Variants in SNX5 observed in about 807,000 individuals in gnomAD.
The protein encoded by SNX5 is sorting nexin-5.
Under a neutral mutation model 53.9 loss-of-function variants are expected in SNX5, and 31 were observed. The ratio of observed to expected loss-of-function variants is 0.58; its 90% CI spans 0.43 to 0.78. The LOEUF is 0.78. SNX5 is among the 30% of genes least tolerant of loss of function. The probability of loss-of-function intolerance (pLI) is 0.00; values close to 1 mark genes in which losing one functional copy is unlikely to be tolerated. For missense variants in SNX5, 471 were observed against 478.8 expected, an observed-to-expected ratio of 0.98 and a Z score of 0.15; for synonymous variants, 168 against 171.1, an observed-to-expected ratio of 0.98 and a Z score of 0.14.
In SNX5 at chr20:17,947,523, G is replaced by A. The variant is rs2039502799; in HGVS notation, c.1041C>T (p.Cys347=). Residue 347 remains cysteine, a synonymous_variant, in exon 11 of 13, where the codon TGC becomes TGT. Coordinates refer to ENST00000377759, the MANE Select transcript of SNX5 (RefSeq NM_014426.4). The part of the protein sequence containing the change: ...KLAEAHQQEC[C]QKFEQLSESA... ...ATTCGGAAAGTTGTTCAAATTTCTG[G>A]CAGCACTCCTGCTGGTGTGCCTCAG... 6.2e-7 allele frequency: 1 copy of A among 1,613,654 alleles called. No homozygotes were observed. Among genetic ancestry groups the A allele is most frequent in the South Asian group, 1.1e-5 (1 of 91,020 alleles).
intron 12 of SNX5, 150 bp from the exon 13 acceptor site, chr20:17,942,557 C>A (rs1042814605): frequency 2.2e-5 from 15 of 672,470 alleles, no homozygotes; most frequent in Admixed American, 6.9e-5. Flanking sequence ...CCCAGGTGAA[C>A]TGCAACGTAC....
chr20:17,942,459 T>G (rs768146968), intron 12 of SNX5, 52 bp from the exon 13 acceptor site: 10 of 1,371,338 alleles, frequency 7.3e-6, no homozygotes, highest in Non-Finnish European at 1.0e-5. Flanking sequence ...ACTTGCCATA[T>G]ACCTGGAATG....
At chr20:17,949,331 G>C (rs1204392159) in intron 8 of SNX5, among the ~76,000 whole-genome samples, 1 of 152,194 alleles carries the variant, frequency 6.6e-6, no homozygotes, top group African/African-American at 2.4e-5. Flanking sequence ...TGACCCTTCG[G>C]TCATCCTGCC....
At chr20:17,959,704 C>T (rs1015846759) in intron 1 of SNX5, among the ~76,000 whole-genome samples, 3 of 152,172 alleles carry the variant, frequency 2.0e-5, no homozygotes, top group Non-Finnish European at 2.9e-5. Flanking sequence ...GCATATAACC[C>T]TCCAGATGAG....
At chr20:17,950,437 T>C (rs555104200) in intron 6 of SNX5, 41 bp from the exon 7 acceptor site, 7 of 1,118,724 alleles carry the variant, frequency 6.3e-6, no homozygotes, top group South Asian at 5.2e-5. Flanking sequence ...TCATGAAATA[T>C]ACTATCCCTG....
chr20:17,951,337 A>G, intron 6 of SNX5, 163 bp downstream of exon 6: 1 of 601,484 alleles, frequency 1.7e-6, no homozygotes, highest in South Asian at 2.1e-5. Context: ...TCTGGGAAAT[A>G]AGTGAAAATT....
chr20:17,954,360 G>C (rs369560932), intron 3 of SNX5: 1 of 446,332 alleles, frequency 2.2e-6, no homozygotes, highest in Non-Finnish European at 3.9e-6. Flanking sequence ...ATCCATTATA[G>C]ACAATTGTTC....
chr20:17,953,995 C>T lies in SNX5; in HGVS notation c.389+1G>A, dbSNP rs925417901. ...AGAGCCCACCAGGAAAATCCACTTA[C>T]GCTTCCAGTTCTTGTTTCATCTTGG... On this transcript the variant is annotated splice_donor_variant, in intron 4 of 12. Coordinates refer to ENST00000377759, the MANE Select transcript of SNX5 (RefSeq NM_014426.4). LOFTEE classifies it high-confidence loss of function. 25 of 1,612,612 alleles carry T rather than the reference C, an allele frequency of 1.6e-5. No individual in the cohort carries two copies. Among genetic ancestry groups the T allele is most frequent in the South Asian group, 2.2e-5 (2 of 90,972 alleles).
At chr20:17,956,682 A>AC (rs2035362802) in intron 2 of SNX5, among the ~76,000 whole-genome samples, 8 of 71,916 alleles carry the variant, frequency 1.1e-4, no homozygotes, top group Admixed American at 1.1e-3. Context: ...CCAAAAAAAA[A>AC]AAAAAAAAAA....
intron 11 of SNX5, chr20:17,945,349 A>G (rs1038380695): frequency 1.3e-5 from 2 of 152,246 alleles, no homozygotes; most frequent in African/African-American, 4.8e-5. Context: ...CACTTATACC[A>G]AAGGCAAACA....
rs141398698 is a variant in SNX5 at position 17,949,524 on chromosome 20, TA to T, written c.792-422del. Among the ~76,000 whole-genome samples the T allele has an allele frequency of 8.0e-3, 1,215 of 152,322 alleles. 16 individuals carry two copies. Among genetic ancestry groups the T allele is most frequent in the African/African-American group, 0.028 (1,149 of 41,566 alleles). On this transcript the variant is annotated intron_variant, in intron 8 of 12. Coordinates refer to ENST00000377759, the MANE Select transcript of SNX5 (RefSeq NM_014426.4). ...TGTTTTGCCAAGCCTGGATGTTAAG[TA>T]AAATATTGTCTTACACCAGAAATGC...
At chr20:17,961,755 T>C (rs6080918) in intron 1 of SNX5, 662,260 of 984,494 alleles carry the variant, frequency 0.67, 223,307 homozygotes, top group African/African-American at 0.79. Flanking sequence ...TTTTGTTATG[T>C]TTCATTCCAC....
intron 1 of SNX5, chr20:17,961,419 G>GA: frequency 1.0e-6 from 1 of 985,356 alleles, no homozygotes; most frequent in Non-Finnish European, 1.2e-6. Flanking sequence ...GGTGACTGCA[G>GA]ACTCAGTGCC....
rs2035373985 is a variant in SNX5 at position 17,957,044 on chromosome 20, T to TA, written c.52-8dup. 6.5e-7 allele frequency: 1 copy of TA among 1,535,670 alleles called. No homozygotes were observed. Among genetic ancestry groups the TA allele is most frequent in the Non-Finnish European group, 9.0e-7 (1 of 1,108,552 alleles). On this transcript the variant is annotated splice_polypyrimidine_tract_variant and splice_region_variant and intron_variant, in intron 1 of 12. Coordinates refer to ENST00000377759, the MANE Select transcript of SNX5 (RefSeq NM_014426.4). Reference sequence around the variant, plus strand: ...CCACAGATACAGATCTCAGCTGAAATACATTTTTTGCGTATTAGTTTCAAA... The same window carrying TA: ...CCACAGATACAGATCTCAGCTGAAATAACATTTTTTGCGTATTAGTTTCAAA...
intron 4 of SNX5, 114 bp from the exon 5 acceptor site, chr20:17,952,824 G>C: frequency 1.6e-6 from 2 of 1,223,608 alleles, no homozygotes; most frequent in South Asian, 3.5e-5. Flanking sequence ...CACTGCAACT[G>C]GACCAAACAG....
intron 1 of SNX5, among the ~76,000 whole-genome samples, chr20:17,966,007 T>TA (rs1156444138): frequency 6.6e-6 from 1 of 152,088 alleles, no homozygotes; most frequent in Non-Finnish European, 1.5e-5. Flanking sequence ...CCACACCAGT[T>TA]AAACACGAAA....
Position 17,942,144 on chromosome 20 carries a change from A to G in SNX5, c.*213T>C. On this transcript the variant is annotated 3_prime_UTR_variant, in exon 13 of 13. Transcript: ENST00000377759. ...TTTGGATTCTGCCCAGAGGTATTAA[A>G]TGCACAAGGAAAAATTAGTTATGTC... 3.7e-6 allele frequency: 2 copies of G among 539,356 alleles called. No individual in the cohort carries two copies. The highest frequency in any genetic ancestry group is 3.2e-5 in the Admixed American group (1 of 31,580). 33.4% of individuals were successfully genotyped at this position (539,356 alleles called of 1,614,324 possible).
chr20:17,946,144 T>C lies in SNX5; in HGVS notation c.1078+1342A>G, dbSNP rs376902852. 1.6e-4 allele frequency among the ~76,000 whole-genome samples: 24 copies of C among 152,234 alleles called. No homozygotes were observed. In the East Asian group the frequency reaches 3.3e-3, roughly 21 times the overall value. On this transcript the variant is annotated intron_variant, in intron 11 of 12. Transcript: ENST00000377759. Reference sequence around the variant, plus strand: ...AAGTCCTCTGCTCTAAGAGGTGAAATGGATAAGGCAAGAAAGAACCCTATG... The same window carrying C: ...AAGTCCTCTGCTCTAAGAGGTGAAACGGATAAGGCAAGAAAGAACCCTATG...
intron 11 of SNX5, among the ~76,000 whole-genome samples, chr20:17,946,276 C>T (rs1349181937): frequency 2.0e-5 from 3 of 152,190 alleles, no homozygotes; most frequent in Non-Finnish European, 4.4e-5. Context: ...CTGAAGGGCA[C>T]AGAAGCAGAG....
Sources: allele counts gnomAD v4.1 joint callset (sites outside exome capture counted in the v4.1 genomes callset), GRCh38; gene constraint gnomAD v4.1.1; transcripts MANE v1.5; gene names NCBI Gene and HGNC (gene_info 2026-07-23, HGNC 2026-07-21).